The following ABR variants were observed in gnomAD, a reference collection of about 807,000 sequenced individuals.
ABR encodes the protein ABR activator of RhoGEF and GTPase, also known as active breakpoint cluster region-related protein.
A neutral mutation model predicts 107.2 loss-of-function variants in ABR; 35 were observed. That is an observed-to-expected ratio of 0.33 (90% CI 0.25 to 0.43). The LOEUF (loss-of-function observed/expected upper bound fraction) is 0.43, where lower values mean the gene tolerates loss of function less well. ABR is among the 20% of genes least tolerant of loss of function. ABR has a pLI of 1.00. For missense variants in ABR, 815 were observed against 1,115.2 expected (o/e 0.73, Z 3.83); for synonymous variants, 498 against 462.0 (o/e 1.08, Z -1.00).
intron 7 of ABR, among the ~76,000 whole-genome samples, chr17:1,073,421 C>T (rs1206464032): frequency 6.6e-6 from 1 of 152,092 alleles, no homozygotes; most frequent in Non-Finnish European, 1.5e-5. Context: ...GAGCACCTGG[C>T]CACGTCAAGC....
chr17:1,184,893 C>T (rs1038720083), upstream of ABR: 1 of 152,114 alleles, frequency 6.6e-6, no homozygotes, highest in African/African-American at 2.4e-5. Flanking sequence ...TTCACGTAAT[C>T]CTTACAATAA....
At chr17:1,097,236 C>G (rs1371307811) in intron 3 of ABR, among the ~76,000 whole-genome samples, 1 of 152,162 alleles carries the variant, frequency 6.6e-6, no homozygotes, top group Non-Finnish European at 1.5e-5. Context: ...AAGCCCTAAC[C>G]TGTCTCCTCT....
intron 7 of ABR, 100 bp from the exon 8 acceptor site, chr17:1,072,854 G>A: frequency 7.0e-7 from 1 of 1,433,580 alleles, no homozygotes; most frequent in Non-Finnish European, 9.2e-7. Flanking sequence ...GGGCACTCAG[G>A]GACCTGCCTA....
chr17:1,037,305 G>A lies in ABR; in HGVS notation c.1791+12745C>T, dbSNP rs549126966. Among the ~76,000 whole-genome samples, 7 of 152,228 alleles carry A rather than the reference G, an allele frequency of 4.6e-5. No individual in the cohort carries two copies. The highest frequency in any genetic ancestry group is 1.0e-4 in the Non-Finnish European group (7 of 68,008). On this transcript the variant is annotated intron_variant, in intron 16 of 22. Coordinates refer to ENST00000302538, the MANE Select transcript of ABR (RefSeq NM_021962.5). This position sits in a 1 kb window ranked among gnomAD's most constrained non-coding sequence, Gnocchi z 4.6. Reference sequence around the variant, plus strand: ...CTGTGCCGGCTCATAGGGCAGTCCCGAGTACGTGCTGCTTCTCACACAGCT... The same window carrying A: ...CTGTGCCGGCTCATAGGGCAGTCCCAAGTACGTGCTGCTTCTCACACAGCT...
rs2035208582 is a variant in ABR, at chr17:1,071,212, T to G, written c.895-1122A>C. ...AGGGTACGCTAAGCCCTCTGGAGAT[T>G]TTTCAGATATCCCCAGAGTAAAACA... is the stretch of plus-strand genomic sequence containing the variant. On this transcript the variant is annotated intron_variant, in intron 8 of 22. Transcript: ENST00000302538. The surrounding 1 kb of genome is among the most constrained non-coding windows in gnomAD (Gnocchi z 5.1). Among the ~76,000 whole-genome samples the G allele has an allele frequency of 2.0e-5, 3 of 151,902 alleles. No homozygotes were observed. Among genetic ancestry groups the G allele is most frequent in the Admixed American group, 2.0e-4 (3 of 15,264 alleles).
At chr17:1,026,073 C>G (rs1305882802) in intron 16 of ABR, among the ~76,000 whole-genome samples, 1 of 152,208 alleles carries the variant, frequency 6.6e-6, no homozygotes, top group Non-Finnish European at 1.5e-5. Flanking sequence ...CCAGGGTGCT[C>G]AGGGTTTAAG....
chr17:1,047,869 G>A (rs1429308093), intron 16 of ABR, among the ~76,000 whole-genome samples: 1 of 152,226 alleles, frequency 6.6e-6, no homozygotes. Context: ...AGTCCAGGTG[G>A]GGGAATGTGC....
At position 1,011,022 on chromosome 17, in the gene ABR, G is replaced by T; in HGVS notation, c.2102-159C>A. ...AGGGCCCACAGGTGTCTGTGACTCG[G>T]CTCTGTGGGTCGGGGTTGGGGGAAC... On this transcript the variant is annotated intron_variant, in intron 19 of 22. Transcript: ENST00000302538. This position sits in a 1 kb window ranked among gnomAD's most constrained non-coding sequence, Gnocchi z 4.8. 1.1e-6 allele frequency: 1 copy of T among 927,816 alleles called. No individual in the cohort carries two copies. The highest frequency in any genetic ancestry group is 1.6e-6 in the Non-Finnish European group (1 of 620,426). 57.5% of individuals were successfully genotyped at this position (927,816 alleles called of 1,614,324 possible).
intron 1 of ABR, among the ~76,000 whole-genome samples, chr17:1,132,377 CT>C (rs782501170): frequency 2.9e-4 from 36 of 125,736 alleles, no homozygotes; most frequent in Admixed American, 1.1e-3. Context: ...ACCGAAAGCA[CT>C]TTTTTTTTTT....
At chr17:1,079,296 AG>A in intron 6 of ABR, 33 bp downstream of exon 6, 1 of 1,606,324 alleles carries the variant, frequency 6.2e-7, no homozygotes. Context: ...AGACAAAGGT[AG>A]GTGCCTGTAA....
At chr17:1,183,498 T>C (rs1043132183), upstream of ABR, among the ~76,000 whole-genome samples, 4 of 152,116 alleles carry the variant, frequency 2.6e-5, no homozygotes, top group African/African-American at 4.8e-5. Flanking sequence ...TTTGCCCTGC[T>C]CCTAATTCCC....
chr17:1,172,905 C>T (rs2041767405), intron 1 of ABR, among the ~76,000 whole-genome samples: 1 of 151,992 alleles, frequency 6.6e-6, no homozygotes, highest in South Asian at 2.1e-4. Context: ...TACAAACAGT[C>T]ACTTGGAGAA....
At chr17:1,205,128 C>T (rs2042765529) in intron 1 of ABR, among the ~76,000 whole-genome samples, 1 of 152,042 alleles carries the variant, frequency 6.6e-6, no homozygotes, top group Non-Finnish European at 1.5e-5. Flanking sequence ...TCTCAAACTC[C>T]TGACCTCAGG....
intron 16 of ABR, among the ~76,000 whole-genome samples, chr17:1,029,642 T>C (rs1317948924): frequency 6.6e-6 from 1 of 152,050 alleles, no homozygotes; most frequent in Admixed American, 6.6e-5. Flanking sequence ...AACTGCCTAG[T>C]CCCAGCCCCT....
intron 16 of ABR, among the ~76,000 whole-genome samples, chr17:1,040,954 C>G (rs1217516468): frequency 6.6e-6 from 1 of 152,180 alleles, no homozygotes; most frequent in African/African-American, 2.4e-5. Context: ...CGCTCTGTAG[C>G]CCAGGCTGGA....
rs1199625067 is a variant in ABR at position 1,004,042 on chromosome 17, C to T, written c.*2038G>A. ...CCTGTTCTCACGTTGCCTCAGCGAG[C>T]TTGGGGCTGTGGGGCTCCCTGAGGC... On this transcript the variant is annotated 3_prime_UTR_variant, in exon 23 of 23. Coordinates refer to ENST00000302538, the MANE Select transcript of ABR (RefSeq NM_021962.5). 1.3e-5 allele frequency: 2 copies of T among 152,282 alleles called. No individual in the cohort carries two copies. The highest frequency in any genetic ancestry group is 4.8e-5 in the African/African-American group (2 of 41,464). 9.4% of individuals were successfully genotyped at this position (152,282 alleles called of 1,614,324 possible).
In ABR at chr17:1,005,780, G is replaced by A. The variant is rs569151226; in HGVS notation, c.*300C>T. 139 of 451,038 alleles carry A rather than the reference G, an allele frequency of 3.1e-4. 2 individuals carry two copies. In the East Asian group the frequency reaches 5.6e-3, roughly 18 times the overall value. The allele number at this position is 451,038 out of a possible 1,614,324, so 27.9% of individuals were successfully genotyped here. ...CTGTCTGTGTGCCCACGCCGGGCCG[G>A]TCACTACCTTTTCTGCCTGACAAGT... is the stretch of plus-strand genomic sequence containing the variant. On this transcript the variant is annotated 3_prime_UTR_variant, in exon 23 of 23. Transcript: ENST00000302538.
At position 1,148,478 on chromosome 17, in the gene ABR, C is replaced by A. The variant is rs532930540; in HGVS notation, c.62-23111G>T. 2.6e-5 allele frequency among the ~76,000 whole-genome samples: 4 copies of A among 152,118 alleles called. No homozygotes were observed. Among genetic ancestry groups the A allele is most frequent in the East Asian group, 1.9e-4 (1 of 5,178 alleles). ...GTTGTTCAATACAGGGGTCCCCAGC[C>A]CCCCCGGGCATGGACCGGCACCAGT... On this transcript the variant is annotated intron_variant, in intron 1 of 22. Coordinates refer to ENST00000302538, the MANE Select transcript of ABR (RefSeq NM_021962.5). The surrounding 1 kb of genome is among the most constrained non-coding windows in gnomAD (Gnocchi z 4.9).
intron 6 of ABR, among the ~76,000 whole-genome samples, chr17:1,074,189 T>C (rs2440764): frequency 0.059 from 4,803 of 80,826 alleles, 92 homozygotes; most frequent in East Asian, 0.13. Flanking sequence ...CCGCAGAGTC[T>C]AGCACACCTG....
Sources: gnomAD v4.1 joint callset for allele counts (sites outside exome capture counted in the v4.1 genomes callset) on GRCh38, gnomAD v4.1.1 for gene constraint, Gnocchi (gnomAD v3.1) non-coding constraint, MANE v1.5 for transcripts, NCBI Gene and HGNC (gene_info 2026-07-23, HGNC 2026-07-21) for gene names.